FOXO1: variants seen among roughly 807,000 people sequenced by gnomAD.
The protein encoded by FOXO1 is forkhead box protein O1.
Under a neutral mutation model 44.1 loss-of-function variants are expected in FOXO1, and 6 were observed. The ratio of observed to expected loss-of-function variants is 0.14; its 90% CI spans 0.07 to 0.27. FOXO1 has a LOEUF of 0.27. FOXO1 is among the 10% of genes least tolerant of loss of function. The pLI, the probability that FOXO1 is intolerant of heterozygous loss-of-function variation, is 1.00. For missense variants in FOXO1, 737 were observed against 888.8 expected (o/e 0.83, Z 2.17); for synonymous variants, 380 against 362.7 (o/e 1.05, Z -0.54).
intron 1 of FOXO1, among the ~76,000 whole-genome samples, chr13:40,568,787 T>C (rs972898916): frequency 6.6e-6 from 1 of 151,880 alleles, no homozygotes; most frequent in Non-Finnish European, 1.5e-5. Context: ...TTAAAGCATC[T>C]CCACTGATCC....
intron 1 of FOXO1, chr13:40,619,280 G>A: frequency 2.5e-6 from 1 of 400,486 alleles, no homozygotes; most frequent in Non-Finnish European, 4.7e-6. Flanking sequence ...GGCAGCAAGA[G>A]TGAAACTCCA....
At chr13:40,574,258 TA>T (rs1874655921) in intron 1 of FOXO1, among the ~76,000 whole-genome samples, 1 of 152,178 alleles carries the variant, frequency 6.6e-6, no homozygotes, top group Admixed American at 6.5e-5. Context: ...CTACTTCTCT[TA>T]AAACTACGAA....
intron 1 of FOXO1, among the ~76,000 whole-genome samples, chr13:40,586,461 C>G (rs1274116908): frequency 1.3e-5 from 2 of 152,160 alleles, no homozygotes; most frequent in African/African-American, 4.8e-5. Flanking sequence ...TCAAGAACAC[C>G]TACTCCTCAC....
chr13:40,660,144 C>T (rs1877990207), intron 1 of FOXO1, among the ~76,000 whole-genome samples: 1 of 152,152 alleles, frequency 6.6e-6, no homozygotes, highest in African/African-American at 2.4e-5. Context: ...AGAAAAGGTG[C>T]TTGGTTATAT....
intron 1 of FOXO1, among the ~76,000 whole-genome samples, chr13:40,605,512 A>G (rs1034592469): frequency 5.3e-5 from 8 of 152,158 alleles, no homozygotes; most frequent in African/African-American, 1.9e-4. Context: ...CTTAACTCCA[A>G]TCACACGAAT....
intron 1 of FOXO1, among the ~76,000 whole-genome samples, chr13:40,644,296 T>C (rs923939824): frequency 1.3e-5 from 2 of 152,180 alleles, no homozygotes; most frequent in African/African-American, 4.8e-5. Context: ...AATCTGCGAT[T>C]AGCACAGGAC....
intron 1 of FOXO1, among the ~76,000 whole-genome samples, chr13:40,622,611 C>G (rs1385442696): frequency 6.6e-6 from 1 of 152,108 alleles, no homozygotes; most frequent in Admixed American, 6.5e-5. Flanking sequence ...ATCACCAAGC[C>G]TCCTGCCTGC....
chr13:40,591,789 C>T (rs916128465), intron 1 of FOXO1, among the ~76,000 whole-genome samples: 5 of 152,150 alleles, frequency 3.3e-5, no homozygotes, highest in Admixed American at 2.6e-4. Context: ...GCAACCTCCA[C>T]CTCCCAGGTC....
chr13:40,633,179 A>G (rs997583933), intron 1 of FOXO1, among the ~76,000 whole-genome samples: 56 of 152,252 alleles, frequency 3.7e-4, no homozygotes, highest in African/African-American at 1.2e-3. Flanking sequence ...TGGTGCAGCC[A>G]CTTTTCAGCA....
intron 1 of FOXO1, among the ~76,000 whole-genome samples, chr13:40,649,187 A>C (rs886822036): frequency 1.3e-5 from 2 of 152,236 alleles, no homozygotes; most frequent in African/African-American, 4.8e-5. Context: ...GGTTGTCTTC[A>C]TTTCAAATCC....
chr13:40,605,219 A>C (rs1875951752), intron 1 of FOXO1, among the ~76,000 whole-genome samples: 1 of 152,190 alleles, frequency 6.6e-6, no homozygotes, highest in Non-Finnish European at 1.5e-5. Flanking sequence ...GTTACTAACA[A>C]ATGTTTATAG....
chr13:40,556,940 G>A lies in FOXO1; in HGVS notation c.*2109C>T, dbSNP rs534331180. 3 of 152,162 alleles carry A rather than the reference G, an allele frequency of 2.0e-5. No homozygotes were observed. Among genetic ancestry groups the A allele is most frequent in the South Asian group, 4.1e-4 (2 of 4,830 alleles). 9.4% of individuals were successfully genotyped at this position (152,162 alleles called of 1,614,324 possible). A position where few individuals can be genotyped will look rare whatever the true frequency, so the allele number is the denominator to read the frequency against. On this transcript the variant is annotated 3_prime_UTR_variant, in exon 3 of 3. Transcript: ENST00000379561. Reference sequence around the variant, plus strand: ...TTCAGTTACATACCCGGGAGGCTGTGCTTAGAGGAACTTGGGTTTCTAAAA... The same window carrying A: ...TTCAGTTACATACCCGGGAGGCTGTACTTAGAGGAACTTGGGTTTCTAAAA...
intron 1 of FOXO1, among the ~76,000 whole-genome samples, chr13:40,630,257 C>T (rs1876917842): frequency 1.3e-5 from 2 of 151,726 alleles, no homozygotes; most frequent in African/African-American, 2.4e-5. Flanking sequence ...ATCTCGGTGT[C>T]GTTTACACAC....
intron 1 of FOXO1, among the ~76,000 whole-genome samples, chr13:40,643,188 A>C (rs1415565856): frequency 6.6e-6 from 1 of 152,008 alleles, no homozygotes; most frequent in Non-Finnish European, 1.5e-5. Context: ...CTAAAAATAC[A>C]AAAATTAGCC....
At chr13:40,651,419 A>T (rs1877683591) in intron 1 of FOXO1, among the ~76,000 whole-genome samples, 1 of 151,930 alleles carries the variant, frequency 6.6e-6, no homozygotes, top group South Asian at 2.1e-4. Flanking sequence ...GAAAGTATCC[A>T]CTCCAAAACC....
chr13:40,560,053 C>T lies in FOXO1; in HGVS notation c.1438G>A (p.Val480Ile). The change falls in exon 2 of 3, where the codon GTT becomes ATT. Residue 480 changes from valine (V) to isoleucine (I), a missense_variant. Transcript: ENST00000379561. This position sits in a 1 kb window ranked among gnomAD's most constrained non-coding sequence, Gnocchi z 5.1. ...TTGGGCTGGGCTACCCCAGGATCAA[C>T]TGGTGTCATAATGTCATTATGGGGA... Reference protein sequence around the residue: ...SPPHNDIMTPVDPGVAQPNSR... With the variant: ...SPPHNDIMTPIDPGVAQPNSR... 1 of 1,614,172 alleles carries T rather than the reference C, an allele frequency of 6.2e-7. No homozygotes were observed. The highest frequency in any genetic ancestry group is 1.1e-5 in the South Asian group (1 of 91,076).
At chr13:40,595,876 A>C (rs1875558427) in intron 1 of FOXO1, among the ~76,000 whole-genome samples, 1 of 152,066 alleles carries the variant, frequency 6.6e-6, no homozygotes, top group Admixed American at 6.5e-5. Context: ...GCTGGCTACA[A>C]ACAGTGACAT....
At chr13:40,589,837 G>A (rs1240355167) in intron 1 of FOXO1, among the ~76,000 whole-genome samples, 3 of 152,172 alleles carry the variant, frequency 2.0e-5, no homozygotes, top group Non-Finnish European at 4.4e-5. Flanking sequence ...AGTCAAGACA[G>A]GAAGAGCTGT....
At chr13:40,658,878 G>C (rs1459490556) in intron 1 of FOXO1, among the ~76,000 whole-genome samples, 1 of 152,130 alleles carries the variant, frequency 6.6e-6, no homozygotes, top group Non-Finnish European at 1.5e-5. Flanking sequence ...CGGGCGTGGT[G>C]GTGGGCGCCT....
Sources: allele counts gnomAD v4.1 joint callset (sites outside exome capture counted in the v4.1 genomes callset), GRCh38; gene constraint gnomAD v4.1.1; non-coding constraint Gnocchi (gnomAD v3.1); transcripts MANE v1.5; gene names NCBI Gene and HGNC (gene_info 2026-07-23, HGNC 2026-07-21).